The following TMEM217 variants were observed in gnomAD, a reference collection of about 807,000 sequenced individuals.
The protein encoded by TMEM217 is chromosome 6 open reading frame 128.
For synonymous variants in TMEM217, 76 were observed against 88.3 expected, an observed-to-expected ratio of 0.86 and a Z score of 0.78; for missense variants, 204 against 248.8, an observed-to-expected ratio of 0.82 and a Z score of 1.21.
chr6:37,238,956 C>T (rs1764626358), intron 1 of TMEM217, among the ~76,000 whole-genome samples: 2 of 151,744 alleles, frequency 1.3e-5, no homozygotes, highest in African/African-American at 4.8e-5. Context: ...AGGGTGAAAC[C>T]CTGTCTCTAC....
At chr6:37,255,542 C>T (rs750480678) in intron 1 of TMEM217, among the ~76,000 whole-genome samples, 1 of 151,818 alleles carries the variant, frequency 6.6e-6, no homozygotes, top group Non-Finnish European at 1.5e-5. Flanking sequence ...AATTAGCTGG[C>T]CATGGTGGTA....
At chr6:37,251,034 T>C (rs1467139390) in intron 1 of TMEM217, among the ~76,000 whole-genome samples, 1 of 152,214 alleles carries the variant, frequency 6.6e-6, no homozygotes, top group Non-Finnish European at 1.5e-5. Context: ...TTCCACCATG[T>C]GGGGACACAG....
At chr6:37,214,924 C>T (rs182776674), downstream of TMEM217, among the ~76,000 whole-genome samples, 10 of 152,306 alleles carry the variant, frequency 6.6e-5, no homozygotes, top group South Asian at 2.1e-4. Context: ...CGGTTCACAG[C>T]GCAGCTTCCA....
At chr6:37,215,098 C>T (rs1763110344), downstream of TMEM217, 4 of 1,503,308 alleles carry the variant, frequency 2.7e-6, no homozygotes, top group Non-Finnish European at 3.6e-6. Context: ...TTGGTCTCCA[C>T]CCTCGGCACC....
At chr6:37,215,270 G>A (rs377141759), downstream of TMEM217, 5 of 1,613,666 alleles carry the variant, frequency 3.1e-6, no homozygotes, top group Non-Finnish European at 4.2e-6. Flanking sequence ...AGGTAAATAT[G>A]CTAGTGTGGA....
chr6:37,227,958 A>G (rs1763939460), intron 1 of TMEM217, among the ~76,000 whole-genome samples: 2 of 152,092 alleles, frequency 1.3e-5, no homozygotes, highest in South Asian at 2.1e-4. Flanking sequence ...AGGAACACAG[A>G]AAAAAAAGTT....
At chr6:37,235,451 C>T (rs993441963) in intron 1 of TMEM217, among the ~76,000 whole-genome samples, 1 of 152,032 alleles carries the variant, frequency 6.6e-6, no homozygotes, top group Admixed American at 6.5e-5. Flanking sequence ...CTGCAAGCTC[C>T]GCCTCCCAGG....
At chr6:37,220,259 AG>A (rs1763429810) in intron 1 of TMEM217, among the ~76,000 whole-genome samples, 1 of 152,270 alleles carries the variant, frequency 6.6e-6, no homozygotes, top group Admixed American at 6.5e-5. Flanking sequence ...AGTGGAAGGA[AG>A]TAAATTTTGC....
intron 1 of TMEM217, among the ~76,000 whole-genome samples, chr6:37,246,413 GAT>G (rs1218205628): frequency 1.2e-4 from 18 of 152,170 alleles, no homozygotes; most frequent in Non-Finnish European, 2.9e-5. Context: ...GGAAACATAT[GAT>G]ACTTCTTGAG....
intron 1 of TMEM217, among the ~76,000 whole-genome samples, chr6:37,252,306 C>T (rs560129681): frequency 6.6e-6 from 1 of 152,178 alleles, no homozygotes; most frequent in Admixed American, 6.5e-5. Context: ...TATTACACAG[C>T]CCCGAGAGCT....
chr6:37,212,290 C>T, exon 4 of TMEM217: 1 of 351,208 alleles, frequency 2.8e-6, no homozygotes, highest in Non-Finnish European at 5.6e-6. Context: ...AGAATCATTC[C>T]TCAGTGCGTA....
chr6:37,218,738 A>G lies in TMEM217; in HGVS notation c.293T>C (p.Ile98Thr). 4 of 1,614,140 alleles carry G rather than the reference A, an allele frequency of 2.5e-6. No homozygotes were observed. The highest frequency in any genetic ancestry group is 3.4e-6 in the Non-Finnish European group (4 of 1,180,028). The change falls in exon 2 of 2, where the codon ATT (isoleucine) becomes ACT (threonine). Residue 98 changes from isoleucine (I) to threonine (T), a missense_variant. Coordinates refer to ENST00000357219, the Ensembl canonical transcript of TMEM217. ...AGTTTCATAGAAAAAAATCCAGACA[A>G]TGTAGATGACCAGGCCCCTGAAGAT...
intron 1 of TMEM217, among the ~76,000 whole-genome samples, chr6:37,246,653 G>C (rs188943493): frequency 3.5e-3 from 538 of 152,102 alleles, no homozygotes; most frequent in Non-Finnish European, 5.9e-3. Flanking sequence ...CTGTAACCCC[G>C]GCACTTTGGG....
At chr6:37,242,008 A>ATT (rs35494889) in intron 1 of TMEM217, among the ~76,000 whole-genome samples, 73 of 130,010 alleles carry the variant, frequency 5.6e-4, no homozygotes, top group Non-Finnish European at 1.0e-3. Flanking sequence ...TTCGATCTCA[A>ATT]TTTTTTTTTT....
chr6:37,229,915 A>C (rs918019302), intron 1 of TMEM217, among the ~76,000 whole-genome samples: 1 of 152,212 alleles, frequency 6.6e-6, no homozygotes, highest in African/African-American at 2.4e-5. Flanking sequence ...AGGTTTCACA[A>C]GGTAGAAATG....
In TMEM217 at chr6:37,219,000, C is replaced by T. The variant is rs1235759659; in HGVS notation, c.31G>A (p.Ala11Thr). Residue 11 changes from alanine (A) to threonine (T), a missense_variant, in exon 2 of 2, where the codon GCC (alanine) becomes ACC (threonine). Coordinates refer to ENST00000357219, the Ensembl canonical transcript of TMEM217. ...CCTGACAACACGGTGCCCATTTTGG[C>T]AGTCATCCCACACCACTGCTGCTGT... 2 of 1,613,950 alleles carry T rather than the reference C, an allele frequency of 1.2e-6. No individual in the cohort carries two copies. The highest frequency in any genetic ancestry group is 1.3e-5 in the African/African-American group (1 of 74,924).
exon 2 of TMEM217, chr6:37,218,764 C>G (rs374043733): frequency 1.9e-6 from 3 of 1,614,038 alleles, no homozygotes; most frequent in African/African-American, 2.7e-5. Context: ...CCCTGAAGAT[C>G]TGGGCATACA....
rs533232123 is a variant in TMEM217, at chr6:37,235,490, T to C, written c.-11-16449A>G. Among the ~76,000 whole-genome samples the C allele has an allele frequency of 5.3e-5, 8 of 152,202 alleles. No individual in the cohort carries two copies. The South Asian group carries it at 1.0e-3, about 20-fold the overall frequency. ...ACGCCATTCTCCTGCCTCAGCCTCC[T>C]GAGTAGCTGGGACTACAGGCACCCG... is the stretch of plus-strand genomic sequence containing the variant. On this transcript the variant is annotated intron_variant, in intron 1 of 1. Transcript: ENST00000357219.
At chr6:37,216,473 A>G (rs1015458075), downstream of TMEM217, among the ~76,000 whole-genome samples, 5 of 152,144 alleles carry the variant, frequency 3.3e-5, no homozygotes, top group African/African-American at 1.2e-4. Context: ...TTGAGAGGCT[A>G]TGGAAGGAAA....
Sources: allele counts gnomAD v4.1 joint callset (sites outside exome capture counted in the v4.1 genomes callset), GRCh38; gene constraint gnomAD v4.1.1; transcripts MANE v1.5; gene names NCBI Gene and HGNC (gene_info 2026-07-23, HGNC 2026-07-21).